Variants in ADAM32 observed in about 807,000 individuals in gnomAD.
ADAM32 encodes ADAM metallopeptidase domain 32.
In ADAM32, 89 loss-of-function variants were observed where a neutral mutation model predicts 114.9. The ratio of observed to expected loss-of-function variants is 0.77; its 90% CI spans 0.65 to 0.92. The LOEUF is 0.92. Among genes scored for constraint, ADAM32 ranks in the 40% least tolerant of loss-of-function variants. The probability of loss-of-function intolerance (pLI) is 0.00; values close to 1 mark genes in which losing one functional copy is unlikely to be tolerated. For synonymous variants in ADAM32, 285 were observed against 307.5 expected, an observed-to-expected ratio of 0.93 and a Z score of 0.77; for missense variants, 870 against 932.8, an observed-to-expected ratio of 0.93 and a Z score of 0.88.
chr8:39,136,742 G>A (rs1802830103), intron 3 of ADAM32, 24 bp downstream of exon 3: 2 of 1,404,702 alleles, frequency 1.4e-6, no homozygotes, highest in African/African-American at 1.5e-5. Flanking sequence ...CTTTAGTTTT[G>A]GATTTTATTT....
chr8:39,180,540 C>T (rs1277958635), intron 10 of ADAM32, among the ~76,000 whole-genome samples: 1 of 152,268 alleles, frequency 6.6e-6, no homozygotes, highest in Non-Finnish European at 1.5e-5. Context: ...TGGCAGGCAG[C>T]TCCACCTGCA....
chr8:39,125,399 G>A (rs960378219), intron 2 of ADAM32, among the ~76,000 whole-genome samples: 12 of 152,106 alleles, frequency 7.9e-5, no homozygotes, highest in African/African-American at 2.7e-4. Flanking sequence ...TTGGAAGCAC[G>A]TAACTTGTCT....
At chr8:39,147,313 C>A in intron 4 of ADAM32, 108 bp downstream of exon 4, 2 of 455,764 alleles carry the variant, frequency 4.4e-6, no homozygotes, top group Non-Finnish European at 6.4e-6. Flanking sequence ...ATATTTAAGA[C>A]ATTTGTTGAT....
intron 6 of ADAM32, among the ~76,000 whole-genome samples, chr8:39,156,693 T>A (rs891533779): frequency 6.6e-6 from 1 of 152,192 alleles, no homozygotes; most frequent in African/African-American, 2.4e-5. Context: ...AGGTGTTAAC[T>A]AAGTTGTAGT....
chr8:39,266,782 T>C (rs1050389787), intron 19 of ADAM32, among the ~76,000 whole-genome samples: 3 of 152,230 alleles, frequency 2.0e-5, no homozygotes, highest in Non-Finnish European at 4.4e-5. Context: ...TGTGGGCTGA[T>C]GTTCCCTTAA....
chr8:39,119,217 T>G (rs1382880572), intron 2 of ADAM32, among the ~76,000 whole-genome samples: 2 of 152,206 alleles, frequency 1.3e-5, no homozygotes, highest in East Asian at 3.8e-4. Flanking sequence ...TATTTTCCCT[T>G]GGGTAGATTC....
intron 12 of ADAM32, among the ~76,000 whole-genome samples, chr8:39,219,242 T>C (rs1245416401): frequency 6.6e-6 from 1 of 152,060 alleles, no homozygotes; most frequent in Non-Finnish European, 1.5e-5. Flanking sequence ...ATGGCACAAG[T>C]GTTCTCTTAG....
At chr8:39,145,795 C>A (rs539132487) in intron 3 of ADAM32, among the ~76,000 whole-genome samples, 111 of 152,158 alleles carry the variant, frequency 7.3e-4, no homozygotes, top group African/African-American at 2.4e-3. Context: ...GCAGTGGTGG[C>A]ATCTCAGCTC....
chr8:39,280,339 G>A (rs746653048), intron 22 of ADAM32, among the ~76,000 whole-genome samples: 2 of 152,030 alleles, frequency 1.3e-5, no homozygotes, highest in South Asian at 2.1e-4. Flanking sequence ...TTATGCATAC[G>A]TTTTTTGTTT....
rs556260954 is a variant in ADAM32 at position 39,257,352 on chromosome 8, C to T, written c.2162+9C>T. The T allele has an allele frequency of 6.2e-7, 1 of 1,612,436 alleles. No homozygotes were observed. Among genetic ancestry groups the T allele is most frequent in the Admixed American group, 1.7e-5 (1 of 59,866 alleles). On this transcript the variant is annotated intron_variant, in intron 19 of 24. Transcript: ENST00000379907. ...GAATTCCCAAGTAGCGAGTAAATTG[C>T]ATTTGTGTTCTGAAGTTAAACATTA...
intron 11 of ADAM32, among the ~76,000 whole-genome samples, chr8:39,196,336 T>G (rs971570241): frequency 6.6e-6 from 1 of 152,190 alleles, no homozygotes; most frequent in African/African-American, 2.4e-5. Flanking sequence ...TTTATTTCTC[T>G]TCTCTAATTC....
chr8:39,198,445 T>C (rs1478581991), intron 11 of ADAM32, among the ~76,000 whole-genome samples: 1 of 152,176 alleles, frequency 6.6e-6, no homozygotes, highest in African/African-American at 2.4e-5. Flanking sequence ...TGGTGTGATC[T>C]TGGCTCACTG....
chr8:39,195,320 A>G (rs1274081545), intron 11 of ADAM32, among the ~76,000 whole-genome samples: 1 of 152,118 alleles, frequency 6.6e-6, no homozygotes, highest in Admixed American at 6.5e-5. Flanking sequence ...ATCCTTGTAT[A>G]TTCTGGATAT....
At chr8:39,225,536 G>C (rs1284477755) in intron 14 of ADAM32, among the ~76,000 whole-genome samples, 9 of 152,164 alleles carry the variant, frequency 5.9e-5, no homozygotes, top group Admixed American at 5.9e-4. Flanking sequence ...AAATGAAATT[G>C]CCCGGGGCCA....
intron 6 of ADAM32, among the ~76,000 whole-genome samples, chr8:39,156,167 G>A (rs1396374441): frequency 6.6e-6 from 1 of 151,798 alleles, no homozygotes; most frequent in African/African-American, 2.4e-5. Context: ...TTGGAGGCAG[G>A]GTCTTACTCT....
At chr8:39,222,533 A>C (rs1436899298) in intron 13 of ADAM32, among the ~76,000 whole-genome samples, 1 of 152,008 alleles carries the variant, frequency 6.6e-6, no homozygotes, top group Non-Finnish European at 1.5e-5. Flanking sequence ...GATTTGAGAG[A>C]AAGATTCTAG....
intron 16 of ADAM32, among the ~76,000 whole-genome samples, chr8:39,235,412 A>G (rs1810059522): frequency 6.6e-6 from 1 of 152,124 alleles, no homozygotes; most frequent in South Asian, 2.1e-4. Flanking sequence ...ACTCATTAAT[A>G]TTGATTTATT....
chr8:39,273,069 C>G (rs1812833988), intron 20 of ADAM32, among the ~76,000 whole-genome samples: 1 of 152,126 alleles, frequency 6.6e-6, no homozygotes, highest in Non-Finnish European at 1.5e-5. Flanking sequence ...TCTTCAGAAT[C>G]AATGACATAC....
intron 11 of ADAM32, among the ~76,000 whole-genome samples, chr8:39,193,543 C>A (rs1252985465): frequency 1.3e-5 from 2 of 152,132 alleles, no homozygotes; most frequent in East Asian, 3.9e-4. Flanking sequence ...TGCTGGAGTA[C>A]TAGTTTGGTG....
Sources: allele counts gnomAD v4.1 joint callset (sites outside exome capture counted in the v4.1 genomes callset), GRCh38; gene constraint gnomAD v4.1.1; transcripts MANE v1.5; gene names NCBI Gene and HGNC (gene_info 2026-07-23, HGNC 2026-07-21).